ARID1B: variants seen among roughly 807,000 people sequenced by gnomAD.
ARID1B encodes AT-rich interactive domain-containing protein 1B.
In ARID1B, 30 loss-of-function variants were observed where a neutral mutation model predicts 212.3. The ratio of observed to expected loss-of-function variants is 0.14; its 90% CI spans 0.11 to 0.19. The LOEUF (loss-of-function observed/expected upper bound fraction) is 0.19. Ranked by LOEUF, ARID1B falls within the 10% of genes least tolerant of loss-of-function variation. ARID1B has a pLI of 1.00. For missense variants in ARID1B, 2,891 were observed against 3,204.0 expected (o/e 0.90, Z 2.36); for synonymous variants, 1,402 against 1,301.7 (o/e 1.08, Z -1.66).
intron 2 of ARID1B, among the ~76,000 whole-genome samples, chr6:156,854,692 G>T (rs2128114439): frequency 6.6e-6 from 1 of 152,316 alleles, no homozygotes; most frequent in East Asian, 1.9e-4. Flanking sequence ...ACGCGGAATT[G>T]TGTCCACCTC....
chr6:157,008,607 C>T (rs566485123), intron 4 of ARID1B, among the ~76,000 whole-genome samples: 3 of 152,302 alleles, frequency 2.0e-5, no homozygotes, highest in Admixed American at 6.5e-5. Context: ...TTTTTCATTA[C>T]TGCATTCCCT....
intron 6 of ARID1B, among the ~76,000 whole-genome samples, chr6:157,122,659 A>G (rs1243275023): frequency 1.3e-5 from 2 of 152,158 alleles, no homozygotes; most frequent in Non-Finnish European, 2.9e-5. Flanking sequence ...TGCGTGCTCT[A>G]ACTTACAGCT....
At chr6:157,072,120 A>G (rs541718839) in intron 4 of ARID1B, 1 of 152,312 alleles carries the variant, frequency 6.6e-6, no homozygotes, top group Non-Finnish European at 1.5e-5. Context: ...AAGTTTTAAC[A>G]TCTATTCTGA....
At position 156,955,760 on chromosome 6, in the gene ARID1B, A is replaced by G. The variant is rs1314786842; in HGVS notation, c.2247+20184A>G. Among the ~76,000 whole-genome samples the G allele has an allele frequency of 6.6e-6, 1 of 152,148 alleles. No homozygotes were observed. The highest frequency in any genetic ancestry group is 1.5e-5 in the Non-Finnish European group (1 of 68,006). On this transcript the variant is annotated intron_variant, in intron 4 of 19. Coordinates refer to ENST00000636930, the MANE Select transcript of ARID1B (RefSeq NM_001374828.1). This position sits in a 1 kb window ranked among gnomAD's most constrained non-coding sequence, Gnocchi z 4.2. ...GCCCTAGAAACAGAGCCTGGATGTC[A>G]TGGGGTCCAAGGCAGAAGATACTCG...
At position 156,880,694 on chromosome 6, in the gene ARID1B, C is replaced by G. The variant is rs947596240; in HGVS notation, c.1987-20682C>G. 4.0e-5 allele frequency among the ~76,000 whole-genome samples: 5 copies of G among 125,086 alleles called. No individual in the cohort carries two copies. In the South Asian group the frequency reaches 1.3e-3, roughly 32 times the overall value. 82.1% of individuals were successfully genotyped at this position (125,086 alleles called of 152,430 possible). ...GGCGGAGGTTTCAGTGAGCCAAGAT[C>G]GTGCAACTGCACTCCAGCCTGGGCC... On this transcript the variant is annotated intron_variant, in intron 2 of 19. Transcript: ENST00000636930.
At chr6:157,192,346 T>C (rs1310316679) in intron 15 of ARID1B, among the ~76,000 whole-genome samples, 1 of 151,998 alleles carries the variant, frequency 6.6e-6, no homozygotes, top group East Asian at 1.9e-4. Flanking sequence ...CAACTATAGG[T>C]GTATTTCCCT....
At chr6:157,115,378 CA>C (rs1787256733) in intron 6 of ARID1B, among the ~76,000 whole-genome samples, 1 of 152,148 alleles carries the variant, frequency 6.6e-6, no homozygotes, top group South Asian at 2.1e-4. Flanking sequence ...TTCTGTTTTC[CA>C]GTATAAAACT....
In ARID1B at chr6:156,985,760, T is replaced by C. The variant is rs1777879107; in HGVS notation, c.2247+50184T>C. 6.6e-5 allele frequency: 10 copies of C among 152,320 alleles called. 1 individual carries two copies. The South Asian group carries it at 2.1e-3, about 32-fold the overall frequency. The allele number at this position is 152,320 out of a possible 1,614,324, so 9.4% of individuals were successfully genotyped here. ...ACCATATGATAATAAAACTTAAACG[T>C]CTGCACATTGCTACAAAACACAGCT... On this transcript the variant is annotated intron_variant, in intron 4 of 19. Transcript: ENST00000636930.
chr6:157,123,245 C>CA (rs1479644535), intron 6 of ARID1B, among the ~76,000 whole-genome samples: 1 of 120,344 alleles, frequency 8.3e-6, no homozygotes, highest in Non-Finnish European at 1.7e-5. Context: ...CCCGCCCCCC[C>CA]CCCACACACA....
chr6:156,821,010 C>T (rs1782314439), intron 1 of ARID1B, among the ~76,000 whole-genome samples: 1 of 152,172 alleles, frequency 6.6e-6, no homozygotes, highest in Admixed American at 6.5e-5. Flanking sequence ...TCAGTGTTTT[C>T]ATTGATGAAG....
chr6:156,822,836 G>A (rs919821916), intron 1 of ARID1B, among the ~76,000 whole-genome samples: 4 of 152,154 alleles, frequency 2.6e-5, no homozygotes, highest in Non-Finnish European at 4.4e-5. Flanking sequence ...TGTGTGTGCC[G>A]TGACCAGGCG....
At chr6:157,059,447 A>G (rs905771546) in intron 4 of ARID1B, among the ~76,000 whole-genome samples, 1 of 152,244 alleles carries the variant, frequency 6.6e-6, no homozygotes, top group Middle Eastern at 3.2e-3. Flanking sequence ...TTGATAGTAT[A>G]CTGCAGAATA....
chr6:157,050,934 T>G (rs1486712702), intron 4 of ARID1B, among the ~76,000 whole-genome samples: 1 of 152,186 alleles, frequency 6.6e-6, no homozygotes, highest in African/African-American at 2.4e-5. Flanking sequence ...GAAGTTGACC[T>G]CCCTAAAGGA....
In ARID1B at chr6:157,201,018, A is replaced by G. The variant is rs373500669; in HGVS notation, c.4793A>G (p.Tyr1598Cys). ...WAARNDMPYPYQNRQGPGGPT... is the reference protein window; with the variant it reads ...WAARNDMPYPCQNRQGPGGPT... Reference sequence around the variant, plus strand: ...GCACGCAATGATATGCCTTATCCCTACCAGAACAGGCAGGGCCCTGGCGGC... The same window carrying G: ...GCACGCAATGATATGCCTTATCCCTGCCAGAACAGGCAGGGCCCTGGCGGC... Residue 1598 changes from tyrosine (Y) to cysteine (C), a missense_variant, in exon 18 of 20, where the codon TAC (tyrosine) becomes TGC (cysteine). This residue lies in a region of ARID1B where 666 missense variants were observed against 873.5 expected (regional missense o/e 0.76). Coordinates refer to ENST00000636930, the MANE Select transcript of ARID1B (RefSeq NM_001374828.1). The surrounding 1 kb of genome is among the most constrained non-coding windows in gnomAD (Gnocchi z 5.2). 2.5e-6 allele frequency: 4 copies of G among 1,613,776 alleles called. No homozygotes were observed. The African/African-American group carries it at 5.3e-5, about 22-fold the overall frequency.
intron 5 of ARID1B, among the ~76,000 whole-genome samples, chr6:157,101,737 T>C (rs1264295047): frequency 6.6e-6 from 1 of 152,202 alleles, no homozygotes; most frequent in Non-Finnish European, 1.5e-5. Context: ...CAGTGCTCTC[T>C]CTTTAGCTCC....
chr6:157,184,110 G>A (rs1249665780), intron 12 of ARID1B, 121 bp from the exon 13 acceptor site: 1 of 836,568 alleles, frequency 1.2e-6, no homozygotes, highest in African/African-American at 1.7e-5. Context: ...GGAGTAATGA[G>A]CATTAGTTAA....
At chr6:156,993,223 G>T (rs1778372055) in intron 4 of ARID1B, among the ~76,000 whole-genome samples, 1 of 152,068 alleles carries the variant, frequency 6.6e-6, no homozygotes, top group African/African-American at 2.4e-5. Flanking sequence ...TGTATTTTTA[G>T]TAGAGATGGG....
At chr6:156,812,986 AC>A (rs1394176780) in intron 1 of ARID1B, among the ~76,000 whole-genome samples, 1 of 146,700 alleles carries the variant, frequency 6.8e-6, no homozygotes, top group Admixed American at 6.8e-5. Flanking sequence ...GTATGTATAT[AC>A]ATACGTATGT....
intron 5 of ARID1B, among the ~76,000 whole-genome samples, chr6:157,107,106 A>G (rs1786546712): frequency 6.6e-6 from 1 of 152,226 alleles, no homozygotes. Context: ...TCATAACCTC[A>G]TTTTAGGGAT....
Sources: allele counts gnomAD v4.1 joint callset (sites outside exome capture counted in the v4.1 genomes callset), GRCh38; gene constraint gnomAD v4.1.1; regional missense constraint gnomAD v4.1.1; non-coding constraint Gnocchi (gnomAD v3.1); transcripts MANE v1.5; gene names NCBI Gene and HGNC (gene_info 2026-07-23, HGNC 2026-07-21).